Variants in CAPN2 observed in about 807,000 individuals in gnomAD.
The protein encoded by CAPN2 is calpain-2 catalytic subunit.
A neutral mutation model predicts 102.3 loss-of-function variants in CAPN2; 92 were observed. The observed-to-expected ratio is 0.90, with a 90% confidence interval of 0.76 to 1.07. CAPN2 has a LOEUF of 1.07. Ranked by LOEUF, CAPN2 falls within the 50% of genes least tolerant of loss-of-function variation. The probability of loss-of-function intolerance (pLI) is 0.00; values close to 1 mark genes in which losing one functional copy is unlikely to be tolerated. For synonymous variants in CAPN2, 340 were observed against 355.4 expected, an observed-to-expected ratio of 0.96 and a Z score of 0.49; for missense variants, 800 against 909.4, an observed-to-expected ratio of 0.88 and a Z score of 1.55.
chr1:223,753,208 T>C (rs1039185707), intron 9 of CAPN2, among the ~76,000 whole-genome samples: 1 of 152,112 alleles, frequency 6.6e-6, no homozygotes, highest in Non-Finnish European at 1.5e-5. Flanking sequence ...GTTTCTGTGA[T>C]GTCCTCTCCA....
At chr1:223,767,852 T>C (rs1172387084) in intron 16 of CAPN2, among the ~76,000 whole-genome samples, 1 of 150,544 alleles carries the variant, frequency 6.6e-6, no homozygotes, top group Non-Finnish European at 1.5e-5. Flanking sequence ...CCAGCACCTG[T>C]TGTTTCCTGA....
At chr1:223,707,472 G>A (rs1171402297) in intron 1 of CAPN2, among the ~76,000 whole-genome samples, 1 of 152,240 alleles carries the variant, frequency 6.6e-6, no homozygotes, top group African/African-American at 2.4e-5. Context: ...GTCAGAGAAA[G>A]AGAAGACTTT....
intron 17 of CAPN2, 128 bp from the exon 18 acceptor site, chr1:223,770,319 G>T (rs1661439417): frequency 3.1e-6 from 2 of 640,270 alleles, no homozygotes; most frequent in Non-Finnish European, 5.6e-6. Flanking sequence ...AAACATAAGT[G>T]ATTCTTCCAC....
chr1:223,717,682 C>A (rs1659913538), intron 1 of CAPN2, 80 bp from the exon 2 acceptor site: 1 of 1,086,000 alleles, frequency 9.2e-7, no homozygotes, highest in Non-Finnish European at 1.4e-6. Context: ...GGTTAGAAGA[C>A]CCCACTGAGA....
chr1:223,712,566 G>C lies in CAPN2; in HGVS notation c.-75G>C. The C allele has an allele frequency of 7.4e-7, 1 of 1,351,060 alleles. No homozygotes were observed. Among genetic ancestry groups the C allele is most frequent in the Non-Finnish European group, 9.5e-7 (1 of 1,054,708 alleles). 83.7% of individuals were successfully genotyped at this position (1,351,060 alleles called of 1,614,324 possible). A position where few individuals can be genotyped will look rare whatever the true frequency, so the allele number is the denominator to read the frequency against. Reference sequence around the variant, plus strand: ...TGGCCGCAGCAGCGCGCCGGGCCCTGGCCGCGCCCCAGCCGAGCGCAGCGC... The same window carrying C: ...TGGCCGCAGCAGCGCGCCGGGCCCTCGCCGCGCCCCAGCCGAGCGCAGCGC... On this transcript the variant is annotated 5_prime_UTR_variant, in exon 1 of 21. Transcript: ENST00000295006.
upstream of CAPN2, chr1:223,712,430 G>A: frequency 9.1e-7 from 1 of 1,099,268 alleles, no homozygotes; most frequent in Non-Finnish European, 1.1e-6. Flanking sequence ...GCCGCAGGAT[G>A]GCCTGGTCCC....
intron 12 of CAPN2, among the ~76,000 whole-genome samples, chr1:223,760,907 T>A (rs1236039355): frequency 2.0e-5 from 3 of 152,216 alleles, no homozygotes; most frequent in Non-Finnish European, 1.5e-5. Flanking sequence ...GGTCACTTAG[T>A]TAAAATCACA....
intron 2 of CAPN2, among the ~76,000 whole-genome samples, chr1:223,719,546 AAGAG>A (rs1182747180): frequency 1.3e-5 from 2 of 152,176 alleles, no homozygotes; most frequent in Non-Finnish European, 2.9e-5. Flanking sequence ...CTCAAAAAAA[AAGAG>A]AGAGAATCCA....
At chr1:223,748,919 G>T (rs1660817420) in intron 5 of CAPN2, 120 bp from the exon 6 acceptor site, 1 of 854,258 alleles carries the variant, frequency 1.2e-6, no homozygotes, top group African/African-American at 1.7e-5. Context: ...CCCACCCCAG[G>T]CCTCGGCCGC....
At position 223,755,425 on chromosome 1, in the gene CAPN2, C is replaced by T. The variant is rs957559758; in HGVS notation, c.1136-55C>T. 4.4e-6 allele frequency: 7 copies of T among 1,592,436 alleles called. No individual in the cohort carries two copies. The highest frequency in any genetic ancestry group is 1.1e-5 in the South Asian group (1 of 89,392). ...CAAGCCTGAGACCAGGGCCACCCCC[C>T]ACCCCCATGCATTCCTGCTCAGGGC... On this transcript the variant is annotated intron_variant, in intron 9 of 20. Coordinates refer to ENST00000295006, the MANE Select transcript of CAPN2 (RefSeq NM_001748.5). This position sits in a 1 kb window ranked among gnomAD's most constrained non-coding sequence, Gnocchi z 4.1.
intron 2 of CAPN2, among the ~76,000 whole-genome samples, chr1:223,736,692 T>C (rs1225335825): frequency 6.6e-6 from 1 of 152,002 alleles, no homozygotes; most frequent in African/African-American, 2.4e-5. Context: ...AGGGTTCCCT[T>C]CCCCCTGGGT....
At chr1:223,707,963 G>C (rs1373658146), upstream of CAPN2, among the ~76,000 whole-genome samples, 2 of 152,238 alleles carry the variant, frequency 1.3e-5, no homozygotes, top group African/African-American at 2.4e-5. Flanking sequence ...AGAAGGACAA[G>C]CTTTCTCCCA....
chr1:223,753,358 C>T (rs926565295), intron 9 of CAPN2, among the ~76,000 whole-genome samples: 1 of 152,238 alleles, frequency 6.6e-6, no homozygotes, highest in Non-Finnish European at 1.5e-5. Flanking sequence ...ACAAGGGAAC[C>T]TTGTCCCGGC....
chr1:223,716,528 G>T (rs1340079635), intron 1 of CAPN2, among the ~76,000 whole-genome samples: 1 of 152,082 alleles, frequency 6.6e-6, no homozygotes, highest in Non-Finnish European at 1.5e-5. Context: ...CTCTGCGGCA[G>T]ATGGTGCTTC....
At chr1:223,719,642 G>T (rs1245029857) in intron 2 of CAPN2, among the ~76,000 whole-genome samples, 1 of 152,186 alleles carries the variant, frequency 6.6e-6, no homozygotes, top group Non-Finnish European at 1.5e-5. Flanking sequence ...ACAAATACAT[G>T]ATTTAAGTCC....
At chr1:223,769,746 G>A (rs1661423259) in intron 16 of CAPN2, 95 bp from the exon 17 acceptor site, 2 of 881,538 alleles carry the variant, frequency 2.3e-6, no homozygotes, top group Non-Finnish European at 3.7e-6. Context: ...TTGTGTATAT[G>A]CTATGATATT....
In CAPN2 at chr1:223,745,398, G is replaced by C. The variant is rs149399445; in HGVS notation, c.519G>C (p.Gly173=). The change falls in exon 4 of 21, where the codon GGG becomes GGC. Residue 173 remains glycine (G), a synonymous_variant. Coordinates refer to ENST00000295006, the MANE Select transcript of CAPN2 (RefSeq NM_001748.5). ...GELLFVHSAE[G]SEFWSALLEK... ...TGCTCTTTGTGCATTCAGCCGAAGG[G>C]AGCGAGTTCTGGAGCGCCCTGCTGG... is the stretch of plus-strand genomic sequence containing the variant. 4.2e-5 allele frequency: 68 copies of C among 1,614,124 alleles called. No individual in the cohort carries two copies. Among genetic ancestry groups the C allele is most frequent in the Non-Finnish European group, 4.9e-5 (58 of 1,180,052 alleles).
At chr1:223,742,694 AT>A (rs35861755) in intron 2 of CAPN2, among the ~76,000 whole-genome samples, 35,468 of 151,040 alleles carry the variant, frequency 0.23, 7,117 homozygotes, top group African/African-American at 0.55. Context: ...AAATTTTTGT[AT>A]TTTTTTGTCG....
At chr1:223,712,392 G>T (rs1206610094), upstream of CAPN2, 3 of 1,014,276 alleles carry the variant, frequency 3.0e-6, no homozygotes, top group African/African-American at 5.2e-5. Flanking sequence ...CACCGGCCCC[G>T]GGTCGCGGCG....
Sources: gnomAD v4.1 joint callset for allele counts (sites outside exome capture counted in the v4.1 genomes callset) on GRCh38, gnomAD v4.1.1 for gene constraint, Gnocchi (gnomAD v3.1) non-coding constraint, MANE v1.5 for transcripts, NCBI Gene and HGNC (gene_info 2026-07-23, HGNC 2026-07-21) for gene names.